Variants in INSYN2B observed in about 807,000 individuals in gnomAD.
INSYN2B encodes the protein inhibitory synaptic factor family member 2B.
In INSYN2B, 16 loss-of-function variants were observed where a neutral mutation model predicts 41.2. The observed-to-expected ratio is 0.39, with a 90% CI of 0.26 to 0.59. INSYN2B has a LOEUF of 0.59. INSYN2B is among the 20% of genes least tolerant of loss of function. The probability of loss-of-function intolerance (pLI) is 0.57; values close to 1 mark genes in which losing one functional copy is unlikely to be tolerated. For synonymous variants in INSYN2B, 245 were observed against 244.4 expected, an observed-to-expected ratio of 1.00 and a Z score of -0.02; for missense variants, 608 against 646.4, an observed-to-expected ratio of 0.94 and a Z score of 0.64.
chr5:169,906,831 G>A (rs1774307689), intron 1 of INSYN2B, among the ~76,000 whole-genome samples: 1 of 152,156 alleles, frequency 6.6e-6, no homozygotes, highest in Admixed American at 6.5e-5. Context: ...GGGAAATTAG[G>A]GCCTGAAGTA....
intron 1 of INSYN2B, among the ~76,000 whole-genome samples, chr5:169,969,215 C>T (rs1489019233): frequency 2.0e-5 from 3 of 152,022 alleles, no homozygotes; most frequent in Non-Finnish European, 4.4e-5. Context: ...GAGGCTGAGG[C>T]AGATAGATCA....
intron 1 of INSYN2B, among the ~76,000 whole-genome samples, chr5:169,916,401 C>T (rs935260816): frequency 6.6e-6 from 1 of 152,172 alleles, no homozygotes; most frequent in African/African-American, 2.4e-5. Context: ...CTCCTATCAC[C>T]CCTGTTCTGG....
intron 1 of INSYN2B, among the ~76,000 whole-genome samples, chr5:169,973,976 G>T (rs1359460697): frequency 1.3e-5 from 2 of 152,102 alleles, no homozygotes; most frequent in Non-Finnish European, 2.9e-5. Flanking sequence ...AATATTCAAG[G>T]TTAATTCAGC....
In INSYN2B at chr5:169,864,347, G is replaced by C. The variant is rs1456976309; in HGVS notation, c.1534C>G (p.Pro512Ala). The C allele has an allele frequency of 6.4e-7, 1 of 1,551,566 alleles. No homozygotes were observed. The highest frequency in any genetic ancestry group is 8.7e-7 in the Non-Finnish European group (1 of 1,146,922). ...AAGTCCTGCTTTTCCGGGGCTGGGG[G>C]TTCTGCTGGGGACTTTGGTGGGGGC... is the stretch of plus-strand genomic sequence containing the variant. ...ASPPPKSPAE[P>A]PAPEKQDLRR... The change falls in exon 4 of 4, where the codon CCC becomes GCC. Residue 512 changes from proline to alanine, a missense_variant. Physicochemically the swap from Pro to Ala is conservative, Grantham distance 27 (BLOSUM62 -1). Coordinates refer to ENST00000377365, the MANE Select transcript of INSYN2B (RefSeq NM_001129891.3).
intron 1 of INSYN2B, among the ~76,000 whole-genome samples, chr5:169,914,564 A>T (rs185389630): frequency 1.3e-5 from 2 of 152,244 alleles, no homozygotes; most frequent in East Asian, 3.8e-4. Flanking sequence ...GGAAATGGTT[A>T]TATCTAATCT....
chr5:169,969,505 A>G (rs1019235900), intron 1 of INSYN2B, among the ~76,000 whole-genome samples: 4 of 152,232 alleles, frequency 2.6e-5, no homozygotes, highest in Non-Finnish European at 5.9e-5. Flanking sequence ...GAGAGCATCC[A>G]TGGCTTTTGC....
intron 1 of INSYN2B, among the ~76,000 whole-genome samples, chr5:169,907,882 TACA>T (rs909437076): frequency 4.6e-5 from 7 of 152,224 alleles, no homozygotes; most frequent in East Asian, 3.8e-4. Flanking sequence ...CTAAACATCC[TACA>T]ACACACAGGA....
At chr5:169,957,678 A>T (rs1442864721) in intron 1 of INSYN2B, among the ~76,000 whole-genome samples, 1 of 151,790 alleles carries the variant, frequency 6.6e-6, no homozygotes, top group Non-Finnish European at 1.5e-5. Flanking sequence ...ATATTTGGAA[A>T]CCCTTCTGAG....
At chr5:169,952,981 A>C (rs1348995472) in intron 1 of INSYN2B, among the ~76,000 whole-genome samples, 1 of 152,218 alleles carries the variant, frequency 6.6e-6, no homozygotes, top group Non-Finnish European at 1.5e-5. Context: ...GTTATTCAAT[A>C]TACTTATTTA....
At chr5:169,888,786 G>A (rs1934592967) in intron 1 of INSYN2B, among the ~76,000 whole-genome samples, 1 of 152,214 alleles carries the variant, frequency 6.6e-6, no homozygotes, top group African/African-American at 2.4e-5. Flanking sequence ...AGGATAGTCA[G>A]TGTTCACTCT....
chr5:169,890,614 G>A (rs1010625950), intron 1 of INSYN2B, among the ~76,000 whole-genome samples: 1 of 152,148 alleles, frequency 6.6e-6, no homozygotes, highest in Non-Finnish European at 1.5e-5. Context: ...TCTGTTGTAA[G>A]TGGTCAAAGA....
chr5:169,901,382 T>C (rs928164493), intron 1 of INSYN2B, among the ~76,000 whole-genome samples: 2 of 152,174 alleles, frequency 1.3e-5, no homozygotes, highest in African/African-American at 4.8e-5. Context: ...TTTGGTTGAT[T>C]TTTGAAAACA....
chr5:169,961,361 T>A (rs1465111351), intron 1 of INSYN2B, among the ~76,000 whole-genome samples: 2 of 152,252 alleles, frequency 1.3e-5, no homozygotes, highest in African/African-American at 4.8e-5. Flanking sequence ...TAAATTGAAT[T>A]GCCTAGTCTT....
intron 3 of INSYN2B, among the ~76,000 whole-genome samples, chr5:169,879,920 G>A (rs1021746438): frequency 1.2e-4 from 18 of 152,078 alleles, no homozygotes; most frequent in African/African-American, 4.3e-4. Context: ...ATCTGGCTCC[G>A]GAAAAGAAGA....
chr5:169,961,703 T>A (rs1275639368), intron 1 of INSYN2B, among the ~76,000 whole-genome samples: 1 of 151,894 alleles, frequency 6.6e-6, no homozygotes, highest in Non-Finnish European at 1.5e-5. Context: ...CCAGGCCGGG[T>A]GCAGTGGCTC....
At position 169,891,995 on chromosome 5, in the gene INSYN2B, CAAAAAAAAA is replaced by C. The variant is rs571918885; in HGVS notation, c.-918-7188_-918-7180del. Among the ~76,000 whole-genome samples the C allele has an allele frequency of 5.0e-3, 319 of 64,248 alleles. 2 individuals are homozygous for C. The highest frequency in any genetic ancestry group is 7.2e-3 in the Non-Finnish European group (231 of 32,278). 42.1% of individuals were successfully genotyped at this position (64,248 alleles called of 152,430 possible). Reference sequence around the variant, plus strand: ...TGGGCAACAGTGCGAGATTCCGTCCCAAAAAAAAAAAAAAAAAGAAAAAGAAAAAAGAAA... The same window carrying C: ...TGGGCAACAGTGCGAGATTCCGTCCCAAAAAAAAGAAAAAGAAAAAAGAAA... On this transcript the variant is annotated intron_variant, in intron 1 of 3. Transcript: ENST00000377365.
At chr5:169,962,405 G>T (rs752570984) in intron 1 of INSYN2B, among the ~76,000 whole-genome samples, 1 of 152,198 alleles carries the variant, frequency 6.6e-6, no homozygotes, top group Non-Finnish European at 1.5e-5. Flanking sequence ...CGGAAAGTGG[G>T]GGAGGATGGA....
chr5:169,918,417 A>C (rs780830797), intron 1 of INSYN2B, among the ~76,000 whole-genome samples: 22 of 152,176 alleles, frequency 1.4e-4, no homozygotes, highest in Non-Finnish European at 2.8e-4. Context: ...TATAAATCAC[A>C]ACATAGGAAA....
chr5:169,883,034 C>T lies in INSYN2B; in HGVS notation c.865G>A (p.Asp289Asn), dbSNP rs1297349444. 6.4e-7 allele frequency: 1 copy of T among 1,551,596 alleles called. No individual in the cohort carries two copies. The highest frequency in any genetic ancestry group is 2.4e-5 in the East Asian group (1 of 40,916). The change falls in exon 2 of 4, where the codon GAC (aspartate) becomes AAC (asparagine). Residue 289 changes from aspartate to asparagine, a missense_variant. Transcript: ENST00000377365. ...GACTGAGATGACAGTGAGCCAAGGT[C>T]TTTGTCATCTGAGTTGTCTTTGGGC... ...LLPKDNSDDK[D>N]LGSLSSQSKE...
Sources: allele counts gnomAD v4.1 joint callset (sites outside exome capture counted in the v4.1 genomes callset), GRCh38; gene constraint gnomAD v4.1.1; transcripts MANE v1.5; gene names NCBI Gene and HGNC (gene_info 2026-07-23, HGNC 2026-07-21).